The following MAPK8 variants were observed in gnomAD, a reference collection of about 807,000 sequenced individuals.
The protein encoded by MAPK8 is JUN N-terminal kinase.
Under a neutral mutation model 52.9 loss-of-function variants are expected in MAPK8, and 13 were observed. That is an observed-to-expected ratio of 0.25 (90% confidence interval 0.16 to 0.39). The LOEUF (loss-of-function observed/expected upper bound fraction) is 0.39. Among genes scored for constraint, MAPK8 ranks in the 10% least tolerant of loss-of-function variants. The probability of loss-of-function intolerance (pLI) is 1.00; values close to 1 mark genes in which losing one functional copy is unlikely to be tolerated. For missense variants in MAPK8, 300 were observed against 519.2 expected, an observed-to-expected ratio of 0.58 and a Z score of 4.10; for synonymous variants, 191 against 169.8, an observed-to-expected ratio of 1.12 and a Z score of -0.97.
At chr10:48,360,656 C>T (rs1263523061) in intron 1 of MAPK8, among the ~76,000 whole-genome samples, 2 of 152,190 alleles carry the variant, frequency 1.3e-5, no homozygotes, top group Admixed American at 1.3e-4. Flanking sequence ...CACACACTCT[C>T]ACACGCATGT....
At chr10:48,361,655 A>T (rs1248271884) in intron 1 of MAPK8, among the ~76,000 whole-genome samples, 1 of 152,048 alleles carries the variant, frequency 6.6e-6, no homozygotes, top group South Asian at 2.1e-4. Context: ...GTACTATTAT[A>T]CTTCTCTAAG....
intron 1 of MAPK8, among the ~76,000 whole-genome samples, chr10:48,364,087 T>C (rs1235253263): frequency 1.3e-5 from 2 of 152,156 alleles, no homozygotes; most frequent in Non-Finnish European, 2.9e-5. Context: ...CAGCACATGG[T>C]GGTACCTCAG....
chr10:48,399,681 AAC>A (rs1324588108), intron 1 of MAPK8, among the ~76,000 whole-genome samples: 2 of 152,176 alleles, frequency 1.3e-5, no homozygotes, highest in Non-Finnish European at 2.9e-5. Flanking sequence ...GAAACTCTGA[AAC>A]ACAGTGTTTT....
intron 1 of MAPK8, among the ~76,000 whole-genome samples, chr10:48,391,843 A>G (rs1221648812): frequency 1.3e-5 from 2 of 152,204 alleles, no homozygotes; most frequent in African/African-American, 2.4e-5. Context: ...GAGCAGCTTT[A>G]CAAAACTGAG....
At chr10:48,308,870 G>T (rs1841664566) in intron 1 of MAPK8, among the ~76,000 whole-genome samples, 1 of 152,100 alleles carries the variant, frequency 6.6e-6, no homozygotes, top group South Asian at 2.1e-4. Flanking sequence ...TTGATTTATC[G>T]AAGTTAAAGC....
chr10:48,424,640 C>T, intron 7 of MAPK8: 1 of 1,206,928 alleles, frequency 8.3e-7, no homozygotes, highest in Non-Finnish European at 1.2e-6. Context: ...TGTATGATAG[C>T]ACTTCAGTTT....
intron 1 of MAPK8, among the ~76,000 whole-genome samples, chr10:48,361,102 A>T (rs1418727039): frequency 6.6e-6 from 1 of 152,180 alleles, no homozygotes; most frequent in African/African-American, 2.4e-5. Context: ...GACCTGATTG[A>T]TTAATATTAT....
At chr10:48,400,358 A>G (rs1443198517) in intron 1 of MAPK8, among the ~76,000 whole-genome samples, 1 of 152,162 alleles carries the variant, frequency 6.6e-6, no homozygotes, top group African/African-American at 2.4e-5. Context: ...TACAGCTTAC[A>G]TAGTTTGGAG....
intron 1 of MAPK8, among the ~76,000 whole-genome samples, chr10:48,364,088 G>C (rs961288818): frequency 5.3e-5 from 8 of 152,008 alleles, no homozygotes; most frequent in African/African-American, 1.9e-4. Flanking sequence ...AGCACATGGT[G>C]GTACCTCAGG....
intron 1 of MAPK8, among the ~76,000 whole-genome samples, chr10:48,371,299 A>T (rs1457063382): frequency 3.3e-5 from 5 of 152,134 alleles, no homozygotes; most frequent in Admixed American, 6.6e-5. Context: ...GGAGTATCAT[A>T]GTTATCGATT....
At chr10:48,346,467 C>T (rs538248177) in intron 1 of MAPK8, among the ~76,000 whole-genome samples, 5 of 152,332 alleles carry the variant, frequency 3.3e-5, no homozygotes, top group African/African-American at 9.6e-5. Context: ...TCTGGGAAGA[C>T]GCCCGTTACC....
chr10:48,318,449 G>A (rs2132126234), intron 1 of MAPK8, among the ~76,000 whole-genome samples: 1 of 152,306 alleles, frequency 6.6e-6, no homozygotes, highest in East Asian at 1.9e-4. Flanking sequence ...GGGAAATAAG[G>A]ACCTTTTAAC....
chr10:48,375,151 T>C (rs1007516007), intron 1 of MAPK8, among the ~76,000 whole-genome samples: 1 of 152,188 alleles, frequency 6.6e-6, no homozygotes, highest in African/African-American at 2.4e-5. Context: ...CATGATTATC[T>C]GAATAGATGC....
At chr10:48,331,337 C>G (rs7100777) in intron 1 of MAPK8, among the ~76,000 whole-genome samples, 9,365 of 152,240 alleles carry the variant, frequency 0.062, 980 homozygotes, top group African/African-American at 0.21. Context: ...GGAGGAGTCC[C>G]CTGCCAGTTT....
chr10:48,425,779 G>C (rs1214629184), intron 7 of MAPK8, 109 bp from the exon 8 acceptor site: 2 of 599,800 alleles, frequency 3.3e-6, no homozygotes, highest in East Asian at 5.7e-5. Flanking sequence ...ATTTATAACT[G>C]CCACATCCTT....
intron 1 of MAPK8, among the ~76,000 whole-genome samples, chr10:48,318,435 A>T (rs1367876119): frequency 6.6e-6 from 1 of 152,224 alleles, no homozygotes; most frequent in African/African-American, 2.4e-5. Flanking sequence ...GGAAAGGGGG[A>T]CAAGGGAAAT....
rs138825612 is a variant in MAPK8, at chr10:48,419,416, T to G, written c.451-739T>G. On this transcript the variant is annotated intron_variant, in intron 5 of 11. Transcript: ENST00000374189. ...GCAAAGTATGTTAAACATGAAGCCA[T>G]GAGTGTTTATGCTGCTGCCTGACTT... Among the ~76,000 whole-genome samples, 342 of 152,312 alleles carry G rather than the reference T, an allele frequency of 2.2e-3. 1 individual carries two copies. The highest frequency in any genetic ancestry group is 7.9e-3 in the African/African-American group (330 of 41,582).
At chr10:48,400,261 A>T (rs2042093541) in intron 1 of MAPK8, among the ~76,000 whole-genome samples, 1 of 152,356 alleles carries the variant, frequency 6.6e-6, no homozygotes, top group East Asian at 1.9e-4. Context: ...TAGTCCAGTT[A>T]GTGATTTTAG....
intron 2 of MAPK8, among the ~76,000 whole-genome samples, chr10:48,402,877 T>C (rs1197053601): frequency 6.6e-6 from 1 of 152,188 alleles, no homozygotes; most frequent in South Asian, 2.1e-4. Context: ...ACAGTCATGC[T>C]GTGAAATACT....
Sources: gnomAD v4.1 joint callset for allele counts (sites outside exome capture counted in the v4.1 genomes callset) on GRCh38, gnomAD v4.1.1 for gene constraint, MANE v1.5 for transcripts, NCBI Gene and HGNC (gene_info 2026-07-23, HGNC 2026-07-21) for gene names.